DHX36: variants seen among roughly 807,000 people sequenced by gnomAD.
The protein encoded by DHX36 is DEAH-box helicase 36, also known as ATP-dependent DNA/RNA helicase DHX36.
In DHX36, 50 loss-of-function variants were observed where a neutral mutation model predicts 139.0. The ratio of observed to expected loss-of-function variants is 0.36; its 90% CI spans 0.29 to 0.46. The LOEUF (loss-of-function observed/expected upper bound fraction) is 0.46. Among genes scored for constraint, DHX36 ranks in the 20% least tolerant of loss-of-function variants. DHX36 has a pLI of 1.00. For missense variants in DHX36, 1,024 were observed against 1,211.3 expected (o/e 0.85, Z 2.29); for synonymous variants, 425 against 401.9 (o/e 1.06, Z -0.69).
At chr3:154,287,455 G>C (rs1448537364) in intron 17 of DHX36, among the ~76,000 whole-genome samples, 1 of 152,030 alleles carries the variant, frequency 6.6e-6, no homozygotes, top group Non-Finnish European at 1.5e-5. Flanking sequence ...AGGAGTTCCA[G>C]ACCAGCCTGG....
chr3:154,315,131 T>C lies in DHX36; in HGVS notation c.518A>G (p.Glu173Gly), dbSNP rs770285464. The change falls in exon 3 of 25, where the codon GAA becomes GGA. Residue 173 changes from glutamate to glycine, a missense_variant. Physicochemically the swap from Glu to Gly is moderately conservative, Grantham distance 98. Around this residue, in one of 4 missense-constraint regions of DHX36, gnomAD observed 293 missense variants for 274.4 expected, o/e 1.07. Coordinates refer to ENST00000496811, the MANE Select transcript of DHX36 (RefSeq NM_020865.3). The part of the protein sequence containing the change: ...IDRDSEYLLQ[E>G]NEPDGTLDQK... Reference sequence around the variant, plus strand: ...GTCTAAAGTTCCATCTGGTTCATTTTCTTGCAAGAGATACTCAGAATCTCG... The same window carrying C: ...GTCTAAAGTTCCATCTGGTTCATTTCCTTGCAAGAGATACTCAGAATCTCG... The C allele has an allele frequency of 6.2e-7, 1 of 1,613,630 alleles. No homozygotes were observed. The highest frequency in any genetic ancestry group is 8.5e-7 in the Non-Finnish European group (1 of 1,179,734).
At position 154,317,355 on chromosome 3, in the gene DHX36, GGTTTT is replaced by G. The variant is rs548979800; in HGVS notation, c.244-1197_244-1193del. Reference sequence around the variant, plus strand: ...AATATATGGAAATTGATCTCTGAGAGGTTTTGTTTTTAGAGTTATGATAGAAATTT... The same window carrying G: ...AATATATGGAAATTGATCTCTGAGAGGTTTTTAGAGTTATGATAGAAATTT... On this transcript the variant is annotated intron_variant, in intron 1 of 24. Transcript: ENST00000496811. Among the ~76,000 whole-genome samples, 11 of 152,102 alleles carry G rather than the reference GGTTTT, an allele frequency of 7.2e-5. 1 individual carries two copies. In the South Asian group the frequency reaches 2.3e-3, roughly 32 times the overall value.
intron 4 of DHX36, among the ~76,000 whole-genome samples, chr3:154,311,185 A>G (rs1354784419): frequency 6.6e-6 from 1 of 152,050 alleles, no homozygotes; most frequent in African/African-American, 2.4e-5. Flanking sequence ...AAGGTTGAGA[A>G]AACAGAGAAG....
chr3:154,291,303 C>T (rs898098226), intron 15 of DHX36, among the ~76,000 whole-genome samples: 1 of 152,166 alleles, frequency 6.6e-6, no homozygotes, highest in Non-Finnish European at 1.5e-5. Context: ...AGTTAACCTA[C>T]CGCACAGGAG....
intron 3 of DHX36, among the ~76,000 whole-genome samples, chr3:154,314,137 C>G (rs865902363): frequency 6.6e-6 from 1 of 152,176 alleles, no homozygotes; most frequent in African/African-American, 2.4e-5. Flanking sequence ...CAGCTCTTCT[C>G]AACCAGAAGA....
chr3:154,313,682 A>C (rs1712855357), intron 3 of DHX36, among the ~76,000 whole-genome samples: 1 of 151,746 alleles, frequency 6.6e-6, no homozygotes, highest in Non-Finnish European at 1.5e-5. Flanking sequence ...CCTGTCTTAA[A>C]TATATATATA....
chr3:154,288,821 G>A (rs997534639), intron 17 of DHX36, 45 bp downstream of exon 17: 15 of 1,132,892 alleles, frequency 1.3e-5, no homozygotes, highest in Non-Finnish European at 1.9e-5. Flanking sequence ...TTTACATGCT[G>A]TAGTATTCTA....
intron 3 of DHX36, chr3:154,314,826 C>T (rs1336038708): frequency 5.0e-6 from 2 of 400,520 alleles, no homozygotes; most frequent in Non-Finnish European, 8.9e-6. Context: ...CATTTCTTCT[C>T]ACCACATAAG....
At chr3:154,296,799 TCTGA>T (rs1221242765) in intron 12 of DHX36, among the ~76,000 whole-genome samples, 2 of 152,214 alleles carry the variant, frequency 1.3e-5, no homozygotes, top group South Asian at 2.1e-4. Context: ...CCCCATGGAC[TCTGA>T]CTGTGAAGAG....
intron 1 of DHX36, among the ~76,000 whole-genome samples, chr3:154,319,914 C>T (rs1713125933): frequency 6.6e-6 from 1 of 152,150 alleles, no homozygotes; most frequent in Middle Eastern, 3.2e-3. Flanking sequence ...CTATCAGCTA[C>T]GGCACTATTT....
At chr3:154,297,351 ATTGACT>A (rs1296108168) in intron 12 of DHX36, among the ~76,000 whole-genome samples, 1 of 152,200 alleles carries the variant, frequency 6.6e-6, no homozygotes, top group East Asian at 1.9e-4. Context: ...GACAGCTGCA[ATTGACT>A]TTAAGAAAAA....
chr3:154,305,308 C>T, intron 6 of DHX36, 140 bp from the exon 7 acceptor site: 1 of 659,512 alleles, frequency 1.5e-6, no homozygotes, highest in Non-Finnish European at 2.6e-6. Context: ...CTTATAAGAA[C>T]ACCTACCACA....
chr3:154,323,299 C>T (rs886198129), intron 1 of DHX36, among the ~76,000 whole-genome samples: 1 of 151,858 alleles, frequency 6.6e-6, no homozygotes, highest in East Asian at 1.9e-4. Flanking sequence ...CGTGCCACTG[C>T]ACTCCAGCCT....
chr3:154,288,799 A>G, intron 17 of DHX36, 67 bp downstream of exon 17: 1 of 900,952 alleles, frequency 1.1e-6, no homozygotes, highest in Non-Finnish European at 1.6e-6. Context: ...AGTAAACATT[A>G]TAATTAACTG....
intron 17 of DHX36, 116 bp from the exon 18 acceptor site, chr3:154,285,103 C>T: frequency 1.9e-6 from 2 of 1,049,024 alleles, no homozygotes; most frequent in South Asian, 3.2e-5. Context: ...AGTCCAAATG[C>T]CCAAATATTG....
Position 154,272,598 on chromosome 3 carries a change from A to C in DHX36, c.*3573T>G, listed in dbSNP as rs1347821633. 1 of 151,098 alleles carries C rather than the reference A, an allele frequency of 6.6e-6. No individual in the cohort carries two copies. The highest frequency in any genetic ancestry group is 2.4e-5 in the African/African-American group (1 of 41,272). 9.4% of individuals were successfully genotyped at this position (151,098 alleles called of 1,614,324 possible). A position where few individuals can be genotyped will look rare whatever the true frequency, so the allele number is the denominator to read the frequency against. ...ATATCTTAAAATTTATTATATATAA[A>C]ATAATACCTAAAGTTTATATATATC... On this transcript the variant is annotated 3_prime_UTR_variant, in exon 25 of 25. Transcript: ENST00000496811.
intron 24 of DHX36, 194 bp downstream of exon 24, chr3:154,276,553 C>G: frequency 3.9e-6 from 3 of 759,610 alleles, no homozygotes; most frequent in Non-Finnish European, 6.3e-6. Flanking sequence ...TGCAATCACA[C>G]TGAGCCATTT....
At chr3:154,284,510 T>C in intron 19 of DHX36, 73 bp downstream of exon 19, 1 of 1,319,034 alleles carries the variant, frequency 7.6e-7, no homozygotes, top group Non-Finnish European at 1.0e-6. Flanking sequence ...AGGTTAAATA[T>C]GATCCTTATT....
At position 154,311,801 on chromosome 3, in the gene DHX36, G is replaced by A. The variant is rs893338432; in HGVS notation, c.604-127C>T. The A allele has an allele frequency of 9.3e-5, 57 of 609,768 alleles. No individual in the cohort carries two copies. The African/African-American group carries it at 1.0e-3, about 11-fold the overall frequency. 37.8% of individuals were successfully genotyped at this position (609,768 alleles called of 1,614,324 possible). A position where few individuals can be genotyped will look rare whatever the true frequency, so the allele number is the denominator to read the frequency against. ...AAGTATTTTTATTATCTCATGGCTTGTGTAAAAACATTATAAAGAATAATT... is the reference window on the plus strand; with the variant it reads ...AAGTATTTTTATTATCTCATGGCTTATGTAAAAACATTATAAAGAATAATT... On this transcript the variant is annotated intron_variant, in intron 3 of 24. Transcript: ENST00000496811.
Sources: allele counts gnomAD v4.1 joint callset (sites outside exome capture counted in the v4.1 genomes callset), GRCh38; gene constraint gnomAD v4.1.1; regional missense constraint gnomAD v4.1.1; transcripts MANE v1.5; gene names NCBI Gene and HGNC (gene_info 2026-07-23, HGNC 2026-07-21).